Variants in SLC35F3 observed in about 807,000 individuals in gnomAD.
The protein encoded by SLC35F3 is putative thiamine transporter SLC35F3.
Under a neutral mutation model 49.9 loss-of-function variants are expected in SLC35F3, and 25 were observed. That is an observed-to-expected ratio of 0.50 (90% CI 0.37 to 0.70). SLC35F3 has a LOEUF of 0.70. Among genes scored for constraint, SLC35F3 ranks in the 30% least tolerant of loss-of-function variants. The pLI, the probability that SLC35F3 is intolerant of heterozygous loss-of-function variation, is 0.00. For missense variants in SLC35F3, 525 were observed against 639.8 expected, an observed-to-expected ratio of 0.82 and a Z score of 1.94; for synonymous variants, 275 against 265.4, an observed-to-expected ratio of 1.04 and a Z score of -0.35.
intron 2 of SLC35F3, among the ~76,000 whole-genome samples, chr1:234,221,337 G>T (rs1329040228): frequency 6.6e-6 from 1 of 152,186 alleles, no homozygotes; most frequent in Non-Finnish European, 1.5e-5. Context: ...TGCCCCGAAA[G>T]AAAGATGATT....
chr1:234,042,591 A>G (rs1476228058), intron 2 of SLC35F3, among the ~76,000 whole-genome samples: 1 of 152,200 alleles, frequency 6.6e-6, no homozygotes, highest in Non-Finnish European at 1.5e-5. Context: ...ATACATTGCT[A>G]ATTTAAAAAG....
intron 2 of SLC35F3, among the ~76,000 whole-genome samples, chr1:234,063,860 A>G (rs923747781): frequency 1.3e-5 from 2 of 152,202 alleles, no homozygotes; most frequent in Non-Finnish European, 2.9e-5. Context: ...TTCACCTAGA[A>G]CTTGGCCTCA....
chr1:234,170,293 G>A (rs1019125858), intron 2 of SLC35F3, among the ~76,000 whole-genome samples: 23 of 152,162 alleles, frequency 1.5e-4, no homozygotes, highest in African/African-American at 5.1e-4. Context: ...GCAGCTCGTA[G>A]GGGTTAAACC....
chr1:234,039,474 C>T (rs1664189429), intron 2 of SLC35F3, among the ~76,000 whole-genome samples: 1 of 152,192 alleles, frequency 6.6e-6, no homozygotes, highest in Non-Finnish European at 1.5e-5. Context: ...AGGGAGGCTT[C>T]ACTGAGCAAC....
chr1:233,949,879 A>G (rs1320816832), intron 2 of SLC35F3, among the ~76,000 whole-genome samples: 1 of 152,098 alleles, frequency 6.6e-6, no homozygotes, highest in African/African-American at 2.4e-5. Context: ...GAGAGACCCA[A>G]AAGCCGTACT....
At chr1:234,139,993 A>ATAAAATAAAATAAAATAAAG (rs1553308950) in intron 2 of SLC35F3, among the ~76,000 whole-genome samples, 1 of 139,548 alleles carries the variant, frequency 7.2e-6, no homozygotes, top group Admixed American at 7.1e-5. Flanking sequence ...ATAAAATAAA[A>ATAAAATAAAATAAAATAAAG]TAAAATAAAG....
intron 3 of SLC35F3, among the ~76,000 whole-genome samples, chr1:234,276,972 A>G (rs1269378693): frequency 3.9e-5 from 6 of 152,218 alleles, no homozygotes; most frequent in Admixed American, 2.6e-4. Flanking sequence ...GTGGGCACCC[A>G]GGGGGAGTTT....
At chr1:234,069,370 G>C (rs1664680475) in intron 2 of SLC35F3, among the ~76,000 whole-genome samples, 1 of 150,248 alleles carries the variant, frequency 6.7e-6, no homozygotes, top group Admixed American at 6.7e-5. Context: ...TGATTCTCCT[G>C]GCTCAGCCTC....
At chr1:233,922,862 A>G (rs1185164698) in intron 2 of SLC35F3, among the ~76,000 whole-genome samples, 2 of 152,212 alleles carry the variant, frequency 1.3e-5, no homozygotes, top group East Asian at 1.9e-4. Flanking sequence ...AGCTTTCTAC[A>G]TATGGCTAGC....
chr1:234,049,789 A>G (rs960530252), intron 2 of SLC35F3, among the ~76,000 whole-genome samples: 8 of 151,342 alleles, frequency 5.3e-5, no homozygotes, highest in African/African-American at 1.7e-4. Flanking sequence ...CCTCCCCACT[A>G]CCCCAACCCC....
chr1:234,190,048 C>T lies in SLC35F3; in HGVS notation c.284-41369C>T, dbSNP rs1034968112. On this transcript the variant is annotated intron_variant, in intron 2 of 7. Transcript: ENST00000366618. ...ATTCATCACTACCAAGCCAGCACTACAAGAACTGCTAAAAGGAGCTCTAAA... is the reference window on the plus strand; with the variant it reads ...ATTCATCACTACCAAGCCAGCACTATAAGAACTGCTAAAAGGAGCTCTAAA... Among the ~76,000 whole-genome samples, 7 of 152,306 alleles carry T rather than the reference C, an allele frequency of 4.6e-5. 1 individual carries two copies. In the South Asian group the frequency reaches 1.2e-3, roughly 27 times the overall value.
chr1:234,016,355 TA>T (rs1663802393), intron 2 of SLC35F3, among the ~76,000 whole-genome samples: 1 of 152,224 alleles, frequency 6.6e-6, no homozygotes, highest in Non-Finnish European at 1.5e-5. Context: ...TTCATTGTGT[TA>T]TGGTTCACCA....
intron 2 of SLC35F3, among the ~76,000 whole-genome samples, chr1:234,108,186 ATATATATAAAAGATATATATATT>A: frequency 7.8e-6 from 1 of 127,614 alleles, no homozygotes; most frequent in Non-Finnish European, 1.6e-5. Flanking sequence ...GAAGTGAGAT[ATATATATAAAAGATATATATATT>A]TATATATATA....
chr1:233,962,821 T>G (rs1662826699), intron 2 of SLC35F3, among the ~76,000 whole-genome samples: 1 of 152,258 alleles, frequency 6.6e-6, no homozygotes, highest in South Asian at 2.1e-4. Flanking sequence ...TTTTCATAGT[T>G]GAGCCTTGTG....
intron 2 of SLC35F3, among the ~76,000 whole-genome samples, chr1:234,148,065 T>C (rs1666023957): frequency 6.6e-6 from 1 of 152,232 alleles, no homozygotes; most frequent in African/African-American, 2.4e-5. Flanking sequence ...AAGGAGGGGC[T>C]GATCAGCACT....
chr1:234,164,452 G>A (rs1666281956), intron 2 of SLC35F3, among the ~76,000 whole-genome samples: 1 of 148,078 alleles, frequency 6.8e-6, no homozygotes, highest in Admixed American at 6.9e-5. Flanking sequence ...CTCCTCTCCT[G>A]TTTTCTCCTT....
At chr1:233,961,909 A>G (rs1232410557) in intron 2 of SLC35F3, among the ~76,000 whole-genome samples, 3 of 152,196 alleles carry the variant, frequency 2.0e-5, no homozygotes, top group South Asian at 2.1e-4. Flanking sequence ...CAACGTGGCA[A>G]TGAAGTGAGT....
At chr1:234,058,091 C>A (rs1199772422) in intron 2 of SLC35F3, among the ~76,000 whole-genome samples, 1 of 151,880 alleles carries the variant, frequency 6.6e-6, no homozygotes, top group Non-Finnish European at 1.5e-5. Context: ...GCATACATAC[C>A]CTTATCAGGG....
At chr1:234,208,701 C>T (rs1480694109) in intron 2 of SLC35F3, among the ~76,000 whole-genome samples, 1 of 152,170 alleles carries the variant, frequency 6.6e-6, no homozygotes, top group Non-Finnish European at 1.5e-5. Context: ...GGCATGTGAG[C>T]TCTGCATCTG....
Sources: gnomAD v4.1 joint callset for allele counts (sites outside exome capture counted in the v4.1 genomes callset) on GRCh38, gnomAD v4.1.1 for gene constraint, MANE v1.5 for transcripts, NCBI Gene and HGNC (gene_info 2026-07-23, HGNC 2026-07-21) for gene names.